MAPDA: variants seen among roughly 807,000 people sequenced by gnomAD.
MAPDA encodes N6-Methyl-AMP deaminase.
chr15:43,351,343 A>T, the MAPDA span: 1 of 332,820 alleles, frequency 3.0e-6, no homozygotes, highest in Non-Finnish European at 5.5e-6. Context: ...CAAAAAAAAA[A>T]AGGGACTGGG....
the MAPDA span, chr15:43,349,045 G>T: frequency 1.2e-6 from 2 of 1,614,098 alleles, no homozygotes; most frequent in South Asian, 2.2e-5. Flanking sequence ...GATACCACTG[G>T]GTAAGGCTTG....
At chr15:43,354,385 A>T in the MAPDA span, 1 of 152,204 alleles carries the variant, frequency 6.6e-6, no homozygotes, top group African/African-American at 2.4e-5. Context: ...TTGCACAGTA[A>T]AAACATCAAA....
chr15:43,352,904 A>C, the MAPDA span: 1 of 151,778 alleles, frequency 6.6e-6, no homozygotes, highest in Non-Finnish European at 1.5e-5. Context: ...AGAGGAGAGA[A>C]TAACTGGCTG....
At chr15:43,351,852 T>C in the MAPDA span, 7 of 1,551,626 alleles carry the variant, frequency 4.5e-6, no homozygotes, top group African/African-American at 1.4e-5. Context: ...ATCTGTCTTA[T>C]GAATCCATCA....
At chr15:43,330,645 A>T in the MAPDA span, 1,983 of 858,640 alleles carry the variant, frequency 2.3e-3, 7 homozygotes, top group Non-Finnish European at 2.7e-3. Context: ...GGAAGAGCGC[A>T]TCTCGCCAAC....
the MAPDA span, chr15:43,330,721 G>C: frequency 4.4e-6 from 2 of 452,518 alleles, no homozygotes; most frequent in Non-Finnish European, 7.9e-6. Context: ...GGAATGTCGT[G>C]AGTTCCATTT....
chr15:43,351,915 T>A, the MAPDA span: 1 of 1,551,466 alleles, frequency 6.4e-7, no homozygotes, highest in Non-Finnish European at 8.7e-7. Context: ...AGAAATGGAA[T>A]CACCTGAAGC....
chr15:43,331,035 T>C, the MAPDA span, among the ~76,000 whole-genome samples: 1 of 152,174 alleles, frequency 6.6e-6, no homozygotes, highest in Non-Finnish European at 1.5e-5. Flanking sequence ...AGAACCCCAT[T>C]TAAAACTTGA....
chr15:43,343,259 A>G, the MAPDA span, among the ~76,000 whole-genome samples: 257 of 152,356 alleles, frequency 1.7e-3, 2 homozygotes, highest in African/African-American at 5.8e-3. Context: ...TCATAAGGCA[A>G]TAAAATTCTG....
At chr15:43,333,154 G>A in the MAPDA span, among the ~76,000 whole-genome samples, 2 of 152,138 alleles carry the variant, frequency 1.3e-5, no homozygotes, top group African/African-American at 4.8e-5. Context: ...GGGCGCAGTG[G>A]CTCGCTCCTG....
the MAPDA span, among the ~76,000 whole-genome samples, chr15:43,338,389 GTTATTACAT>G: frequency 6.6e-6 from 1 of 152,182 alleles, no homozygotes. Flanking sequence ...AATGATACTT[GTTATTACAT>G]GTACCAGACA....
chr15:43,335,826 A>G, the MAPDA span: 1 of 1,612,562 alleles, frequency 6.2e-7, no homozygotes, highest in African/African-American at 1.3e-5. Flanking sequence ...ACTTTGGAAG[A>G]GTAAGTGTGG....
chr15:43,332,754 C>T, the MAPDA span, among the ~76,000 whole-genome samples: 1 of 152,120 alleles, frequency 6.6e-6, no homozygotes, highest in South Asian at 2.1e-4. Flanking sequence ...ATTCTGAGTT[C>T]CCTTTTGGGG....
chr15:43,342,958 A>G, the MAPDA span: 1 of 1,424,424 alleles, frequency 7.0e-7, no homozygotes, highest in Non-Finnish European at 9.7e-7. Context: ...ATAGTTGATG[A>G]TCTCTTTACA....
the MAPDA span, among the ~76,000 whole-genome samples, chr15:43,334,561 G>C: frequency 6.8e-6 from 1 of 147,786 alleles, no homozygotes; most frequent in Non-Finnish European, 1.5e-5. Flanking sequence ...CCAGGAGATA[G>C]AGGCTGCAGT....
At chr15:43,350,132 GATAGCTCACTGCAAGCTCC>G in the MAPDA span, among the ~76,000 whole-genome samples, 1 of 151,932 alleles carries the variant, frequency 6.6e-6, no homozygotes, top group Non-Finnish European at 1.5e-5. Context: ...GCAGTGGCGC[GATAGCTCACTGCAAGCTCC>G]ACATCCTGGG....
the MAPDA span, chr15:43,335,263 A>G: frequency 3.4e-5 from 46 of 1,350,196 alleles, no homozygotes; most frequent in Non-Finnish European, 4.6e-5. Flanking sequence ...GGCTGGGCGC[A>G]GTGGCTCATG....
chr15:43,338,728 A>G, the MAPDA span, among the ~76,000 whole-genome samples: 1 of 152,272 alleles, frequency 6.6e-6, no homozygotes, highest in South Asian at 2.1e-4. Flanking sequence ...CCTGCTGCAC[A>G]TCACAGAAAG....
chr15:43,334,793 C>T, the MAPDA span: 1 of 232,190 alleles, frequency 4.3e-6, no homozygotes, highest in Admixed American at 6.0e-5. Context: ...GAGGTCTTTT[C>T]CTGTTTCCAG....
Sources: gnomAD v4.1 joint callset for allele counts (sites outside exome capture counted in the v4.1 genomes callset) on GRCh38, gnomAD v4.1.1 for gene constraint, MANE v1.5 for transcripts, NCBI Gene and HGNC (gene_info 2026-07-23, HGNC 2026-07-21) for gene names.